Variants in HCRTR2 observed in about 807,000 individuals in gnomAD.
The protein encoded by HCRTR2 is orexin receptor type 2.
A neutral mutation model predicts 49.0 loss-of-function variants in HCRTR2; 22 were observed. That is an observed-to-expected ratio of 0.45 (90% confidence interval 0.32 to 0.64). The LOEUF (loss-of-function observed/expected upper bound fraction) is 0.64. Ranked by LOEUF, HCRTR2 falls within the 30% of genes least tolerant of loss-of-function variation. HCRTR2 has a pLI of 0.04. For missense variants in HCRTR2, 491 were observed against 559.4 expected, an observed-to-expected ratio of 0.88 and a Z score of 1.23; for synonymous variants, 236 against 205.3, an observed-to-expected ratio of 1.15 and a Z score of -1.28.
intron 1 of HCRTR2, among the ~76,000 whole-genome samples, chr6:55,140,959 G>A (rs1764498050): frequency 6.6e-6 from 1 of 152,112 alleles, no homozygotes; most frequent in Non-Finnish European, 1.5e-5. Flanking sequence ...ATGCTCTTTC[G>A]CTTACTAGCC....
chr6:55,243,195 A>C (rs9464216), intron 1 of HCRTR2, among the ~76,000 whole-genome samples: 1,978 of 152,290 alleles, frequency 0.013, 43 homozygotes, highest in African/African-American at 0.046. Context: ...TCCATGTTAG[A>C]GGTGGAATTC....
intron 3 of HCRTR2, among the ~76,000 whole-genome samples, chr6:55,261,499 A>G (rs888638976): frequency 8.6e-5 from 13 of 151,932 alleles, no homozygotes. Flanking sequence ...CCACCTCCCA[A>G]GTTCAAACGA....
At chr6:55,164,324 T>A (rs1472565495) in intron 1 of HCRTR2, among the ~76,000 whole-genome samples, 1 of 152,282 alleles carries the variant, frequency 6.6e-6, no homozygotes, top group East Asian at 1.9e-4. Context: ...CACATGCACA[T>A]GTATGTTTAT....
Position 55,124,933 on chromosome 6 carries a change from C to CT in HCRTR2, c.-378+18402dup, listed in dbSNP as rs36014361. 2.4e-3 allele frequency among the ~76,000 whole-genome samples: 340 copies of CT among 141,490 alleles called. 1 individual carries two copies. Among genetic ancestry groups the CT allele is most frequent in the Admixed American group, 3.7e-3 (52 of 14,052 alleles). The allele number at this position is 141,490 out of a possible 152,430, so 92.8% of individuals were successfully genotyped here. A position where few individuals can be genotyped will look rare whatever the true frequency, so the allele number is the denominator to read the frequency against. ...CCAGAGATTAGGATACCAACTCCTG[C>CT]TTTTTTTTTTTTTTCACTTTCCATG... is the stretch of plus-strand genomic sequence containing the variant. On this transcript the variant is annotated intron_variant, in intron 1 of 7. Transcript: ENST00000615358.
intron 1 of HCRTR2, among the ~76,000 whole-genome samples, chr6:55,128,103 G>T (rs1191351361): frequency 6.6e-6 from 1 of 152,134 alleles, no homozygotes; most frequent in African/African-American, 2.4e-5. Context: ...TTTGTACATG[G>T]TGTAAGGAAG....
At chr6:55,245,429 G>T (rs1202007457) in intron 1 of HCRTR2, among the ~76,000 whole-genome samples, 3 of 108,440 alleles carry the variant, frequency 2.8e-5, no homozygotes, top group South Asian at 6.1e-4. Context: ...ATACATACAT[G>T]TATATATACC....
chr6:55,175,099 A>T (rs1765016400), intron 1 of HCRTR2, among the ~76,000 whole-genome samples: 1 of 151,676 alleles, frequency 6.6e-6, no homozygotes, highest in South Asian at 2.1e-4. Flanking sequence ...CGCGGCAGGG[A>T]TCTCCAGGTG....
At chr6:55,191,885 T>A (rs1371137237) in intron 1 of HCRTR2, among the ~76,000 whole-genome samples, 2 of 152,192 alleles carry the variant, frequency 1.3e-5, no homozygotes, top group African/African-American at 4.8e-5. Context: ...ACCTATCTTT[T>A]CTTCAATATA....
upstream of HCRTR2, among the ~76,000 whole-genome samples, chr6:55,171,265 A>T (rs145065072): frequency 7.4e-3 from 1,122 of 152,252 alleles, 11 homozygotes; most frequent in African/African-American, 0.024. Context: ...CTTTTTAATG[A>T]TCGCCATTCT....
chr6:55,277,321 C>G, intron 4 of HCRTR2, 59 bp from the exon 5 acceptor site: 1 of 1,415,206 alleles, frequency 7.1e-7, no homozygotes, highest in East Asian at 2.3e-5. Context: ...TAATTACTTC[C>G]CCAAAGTGGA....
chr6:55,192,976 G>A (rs543305878), intron 1 of HCRTR2, among the ~76,000 whole-genome samples: 1 of 152,286 alleles, frequency 6.6e-6, no homozygotes, highest in Non-Finnish European at 1.5e-5. Context: ...ACCATTTTCA[G>A]AGAGAATATG....
intron 1 of HCRTR2, among the ~76,000 whole-genome samples, chr6:55,222,461 G>T (rs1765917576): frequency 6.6e-6 from 1 of 152,078 alleles, no homozygotes; most frequent in African/African-American, 2.4e-5. Context: ...TTTGAAAACA[G>T]GAACTCAAAG....
upstream of HCRTR2, chr6:55,174,297 A>G: frequency 2.2e-6 from 1 of 462,444 alleles, no homozygotes; most frequent in Non-Finnish European, 4.0e-6. Context: ...GCTGAGCCGG[A>G]CGTAGCTTTC....
chr6:55,268,618 A>T (rs1269640405), intron 4 of HCRTR2, among the ~76,000 whole-genome samples: 1 of 152,162 alleles, frequency 6.6e-6, no homozygotes, highest in Non-Finnish European at 1.5e-5. Context: ...ATACATAGAG[A>T]GGGACATTTC....
chr6:55,251,294 G>A (rs772017671), intron 2 of HCRTR2, among the ~76,000 whole-genome samples: 3 of 152,134 alleles, frequency 2.0e-5, no homozygotes, highest in African/African-American at 7.2e-5. Context: ...ACAGCCTTTA[G>A]ATTTATGAGT....
Position 55,238,575 on chromosome 6 carries a change from C to T in HCRTR2, c.224-10064C>T, listed in dbSNP as rs146079388. Among the ~76,000 whole-genome samples, 543 of 152,166 alleles carry T rather than the reference C, an allele frequency of 3.6e-3. 1 individual carries two copies. Among genetic ancestry groups the T allele is most frequent in the African/African-American group, 0.012 (512 of 41,520 alleles). ...ACACACACACAGAAACACACACACA[C>T]GCTCACACACATTTTATGATTCATA... On this transcript the variant is annotated intron_variant, in intron 1 of 6. Transcript: ENST00000370862.
At chr6:55,213,770 A>T (rs1765736961) in intron 1 of HCRTR2, among the ~76,000 whole-genome samples, 1 of 152,140 alleles carries the variant, frequency 6.6e-6, no homozygotes, top group African/African-American at 2.4e-5. Flanking sequence ...GTCATGCCTA[A>T]ATACAAGTGC....
chr6:55,245,504 T>TATATATATATATATA (rs1562020390), intron 1 of HCRTR2, among the ~76,000 whole-genome samples: 41 of 106,752 alleles, frequency 3.8e-4, no homozygotes, highest in African/African-American at 1.4e-3. Context: ...TATATATATA[T>TATATATATATATATA]ATCTTCCCCA....
At chr6:55,146,250 C>CAGTATAAGTATAAGTATA (rs1764579332) in intron 1 of HCRTR2, among the ~76,000 whole-genome samples, 1 of 152,040 alleles carries the variant, frequency 6.6e-6, no homozygotes, top group Non-Finnish European at 1.5e-5. Flanking sequence ...GGATAATATA[C>CAGTATAAGTATAAGTATA]AGTATAAGAC....
Sources: gnomAD v4.1 joint callset for allele counts (sites outside exome capture counted in the v4.1 genomes callset) on GRCh38, gnomAD v4.1.1 for gene constraint, MANE v1.5 for transcripts, NCBI Gene and HGNC (gene_info 2026-07-23, HGNC 2026-07-21) for gene names.